LAMA3: variants seen among roughly 807,000 people sequenced by gnomAD.
LAMA3 encodes the protein laminin subunit alpha 3, also known as laminin subunit alpha-3.
LAMA3 carries 281 observed loss-of-function variants against 402.0 expected under a neutral mutation model. The observed-to-expected ratio is 0.70, with a 90% CI of 0.63 to 0.77. The LOEUF is 0.77. Among genes scored for constraint, LAMA3 ranks in the 30% least tolerant of loss-of-function variants. LAMA3 has a pLI of 0.00. For missense variants in LAMA3, 3,840 were observed against 4,215.5 expected, an observed-to-expected ratio of 0.91 and a Z score of 2.47; for synonymous variants, 1,431 against 1,558.4, an observed-to-expected ratio of 0.92 and a Z score of 1.93.
At chr18:23,770,182 A>T (rs896132691) in intron 8 of LAMA3, among the ~76,000 whole-genome samples, 5 of 152,188 alleles carry the variant, frequency 3.3e-5, no homozygotes, top group African/African-American at 4.8e-5. Context: ...GGCAATTTAT[A>T]AAACTAGACA....
chr18:23,750,824 G>T lies in LAMA3; in HGVS notation c.685-94G>T. The T allele has an allele frequency of 1.5e-6, 2 of 1,354,700 alleles. 1 individual carries two copies. Among genetic ancestry groups the T allele is most frequent in the South Asian group, 2.4e-5 (2 of 84,860 alleles). The allele number at this position is 1,354,700 out of a possible 1,614,324, so 83.9% of individuals were successfully genotyped here. A position where few individuals can be genotyped will look rare whatever the true frequency, so the allele number is the denominator to read the frequency against. On this transcript the variant is annotated intron_variant, in intron 4 of 74. Transcript: ENST00000313654. ...ATATCAAATGGCTCAAAGAAACCAA[G>T]TGCCTTGGGGCATGTGAGTTATTTT... is the stretch of plus-strand genomic sequence containing the variant.
chr18:23,921,012 G>C lies in LAMA3; in HGVS notation c.8001G>C (p.Glu2667Asp), dbSNP rs1443242362. Residue 2667 changes from glutamate (E) to aspartate (D), a missense_variant, in exon 61 of 75, where the codon GAG (glutamate) becomes GAC (aspartate). Physicochemically the swap from Glu to Asp is conservative, Grantham distance 45. This residue lies in a region of LAMA3 where 840 missense variants were observed against 981.9 expected (regional missense o/e 0.86). Coordinates refer to ENST00000313654, the MANE Select transcript of LAMA3 (RefSeq NM_198129.4). The stretch of plus-strand genomic sequence containing the variant: ...AACTGAATTCAGAGCTACCAAAAGA[G>C]AGAGGAGTTGGAGACGCCATAAACA... ...RYKLNSELPK[E>D]RGVGDAINNG... is the part of the protein sequence containing the mutation. 6.2e-7 allele frequency: 1 copy of C among 1,614,156 alleles called. No homozygotes were observed. Among genetic ancestry groups the C allele is most frequent in the Non-Finnish European group, 8.5e-7 (1 of 1,180,016 alleles).
rs2082701972 is a variant in LAMA3 at position 23,946,127 on chromosome 18, T to C, written c.9211-17T>C. Reference sequence around the variant, plus strand: ...CAAAGGTAAAAATACAACTCACGTATCTTTCTTACTCTGAAGGTGGTGTTT... The same window carrying C: ...CAAAGGTAAAAATACAACTCACGTACCTTTCTTACTCTGAAGGTGGTGTTT... On this transcript the variant is annotated splice_polypyrimidine_tract_variant and intron_variant, in intron 69 of 74. Transcript: ENST00000313654. 1.2e-6 allele frequency: 2 copies of C among 1,612,338 alleles called. No individual in the cohort carries two copies. The highest frequency in any genetic ancestry group is 1.3e-5 in the African/African-American group (1 of 74,884).
Position 23,949,762 on chromosome 18 carries a change from C to T in LAMA3, c.9352-3C>T. 6.2e-7 allele frequency: 1 copy of T among 1,613,842 alleles called. No individual in the cohort carries two copies. Among genetic ancestry groups the T allele is most frequent in the Non-Finnish European group, 8.5e-7 (1 of 1,179,950 alleles). ...GAGCTTTTTCTTTTCTGCTTGGTTGCAGAGCCTCCCCACAAACAGCTTTGT... is the reference window on the plus strand; with the variant it reads ...GAGCTTTTTCTTTTCTGCTTGGTTGTAGAGCCTCCCCACAAACAGCTTTGT... On this transcript the variant is annotated splice_region_variant and splice_polypyrimidine_tract_variant and intron_variant, in intron 70 of 74. Coordinates refer to ENST00000313654, the MANE Select transcript of LAMA3 (RefSeq NM_198129.4).
intron 12 of LAMA3, among the ~76,000 whole-genome samples, chr18:23,791,382 G>A (rs1470187456): frequency 2.0e-5 from 3 of 152,098 alleles, no homozygotes; most frequent in Admixed American, 1.3e-4. Flanking sequence ...TGATTAATAG[G>A]TTGAGCTTGG....
At position 23,918,403 on chromosome 18, in the gene LAMA3, G is replaced by A. The variant is rs2081713495; in HGVS notation, c.7923+1708G>A. Reference sequence around the variant, plus strand: ...CTACTTATTCTGACCCAAAACATGTGAAAACTTCCTGGGATCTCTAAGATC... The same window carrying A: ...CTACTTATTCTGACCCAAAACATGTAAAAACTTCCTGGGATCTCTAAGATC... On this transcript the variant is annotated intron_variant, in intron 60 of 74. Coordinates refer to ENST00000313654, the MANE Select transcript of LAMA3 (RefSeq NM_198129.4). This position sits in a 1 kb window ranked among gnomAD's most constrained non-coding sequence, Gnocchi z 4.1. 6.6e-6 allele frequency among the ~76,000 whole-genome samples: 1 copy of A among 152,162 alleles called. No individual in the cohort carries two copies. Among genetic ancestry groups the A allele is most frequent in the Non-Finnish European group, 1.5e-5 (1 of 68,034 alleles).
chr18:23,875,404 T>C (rs2064675308), intron 38 of LAMA3, among the ~76,000 whole-genome samples: 1 of 152,132 alleles, frequency 6.6e-6, no homozygotes, highest in African/African-American at 2.4e-5. Flanking sequence ...TGGAGAGAGA[T>C]AATATACAGG....
chr18:23,770,315 A>G (rs552358180), intron 8 of LAMA3, among the ~76,000 whole-genome samples: 1 of 152,312 alleles, frequency 6.6e-6, no homozygotes, highest in South Asian at 2.1e-4. Context: ...GAAAATATTC[A>G]CAAAACATAA....
chr18:23,775,938 C>A lies in LAMA3; in HGVS notation c.1405+15C>A, dbSNP rs574324263. ...ATTTTGCTTGAGTAAGTACCCACTG[C>A]AGAACAAGAGGCCACCCTTTTTGGT... On this transcript the variant is annotated intron_variant, in intron 10 of 74. Transcript: ENST00000313654. The A allele has an allele frequency of 1.9e-6, 3 of 1,613,996 alleles. No homozygotes were observed. The highest frequency in any genetic ancestry group is 1.7e-6 in the Non-Finnish European group (2 of 1,179,974).
intron 2 of LAMA3, among the ~76,000 whole-genome samples, chr18:23,741,854 A>G (rs962845798): frequency 6.6e-6 from 1 of 152,180 alleles, no homozygotes; most frequent in Non-Finnish European, 1.5e-5. Flanking sequence ...TGATCTGGCC[A>G]AGAATGCCCC....
At chr18:23,915,931 G>T (rs548248280) in intron 59 of LAMA3, among the ~76,000 whole-genome samples, 1 of 138,982 alleles carries the variant, frequency 7.2e-6, no homozygotes, top group Non-Finnish European at 1.5e-5. Flanking sequence ...GCTTGAACTC[G>T]GGAGGTCAAG....
At chr18:23,760,476 CA>C (rs1212951263) in intron 7 of LAMA3, among the ~76,000 whole-genome samples, 1 of 151,974 alleles carries the variant, frequency 6.6e-6, no homozygotes, top group African/African-American at 2.4e-5. Context: ...TTGATTAAAA[CA>C]TACAAATTAC....
chr18:23,839,217 A>G lies in LAMA3; in HGVS notation c.3191+339A>G, dbSNP rs1394845439. Among the ~76,000 whole-genome samples the G allele has an allele frequency of 6.6e-6, 1 of 152,188 alleles. No individual in the cohort carries two copies. The highest frequency in any genetic ancestry group is 1.5e-5 in the Non-Finnish European group (1 of 68,032). ...TCTGAGACTCTTCATTTAGAAAACC[A>G]TGAAAATAATGACCTATCTCATAAC... On this transcript the variant is annotated intron_variant, in intron 26 of 74. Transcript: ENST00000313654. The surrounding 1 kb of genome is among the most constrained non-coding windows in gnomAD (Gnocchi z 4.5).
At position 23,916,655 on chromosome 18, in the gene LAMA3, C is replaced by A; in HGVS notation, c.7883C>A (p.Thr2628Asn). Residue 2628 changes from threonine (T) to asparagine (N), a missense_variant, in exon 60 of 75, where the codon ACC (threonine) becomes AAC (asparagine). Coordinates refer to ENST00000313654, the MANE Select transcript of LAMA3 (RefSeq NM_198129.4). Reference protein sequence around the residue: ...PIPTFGQTIQTTVDRGLLFFA... With the variant: ...PIPTFGQTIQNTVDRGLLFFA... ...CCAACCTTTGGACAGACAATTCAGA[C>A]CACCGTGGATAGAGGCTTGCTGTTC... is the stretch of plus-strand genomic sequence containing the variant. 6.2e-7 allele frequency: 1 copy of A among 1,614,110 alleles called. No homozygotes were observed. Among genetic ancestry groups the A allele is most frequent in the Non-Finnish European group, 8.5e-7 (1 of 1,180,004 alleles).
intron 2 of LAMA3, among the ~76,000 whole-genome samples, chr18:23,728,864 C>G (rs979721669): frequency 2.0e-5 from 3 of 151,862 alleles, no homozygotes; most frequent in Admixed American, 2.0e-4. Flanking sequence ...AACTCTGTCT[C>G]TACTAAAAAT....
chr18:23,950,915 T>C (rs1218055566), intron 72 of LAMA3, among the ~76,000 whole-genome samples: 1 of 152,194 alleles, frequency 6.6e-6, no homozygotes, highest in African/African-American at 2.4e-5. Flanking sequence ...GGAGAGAGTC[T>C]CTACTGAGAG....
intron 39 of LAMA3, among the ~76,000 whole-genome samples, chr18:23,878,296 TA>T (rs1437356144): frequency 6.6e-6 from 1 of 152,258 alleles, no homozygotes; most frequent in Non-Finnish European, 1.5e-5. Context: ...TTTCCCATTT[TA>T]TTTTTTTTGT....
chr18:23,714,118 T>C, intron 2 of LAMA3, 46 bp downstream of exon 2: 1 of 1,549,874 alleles, frequency 6.5e-7, no homozygotes, highest in Non-Finnish European at 8.9e-7. Context: ...CTTAGATCAC[T>C]GTTTCTATGG....
chr18:23,690,056 C>A, intron 1 of LAMA3, 79 bp downstream of exon 1: 3 of 1,161,626 alleles, frequency 2.6e-6, no homozygotes, highest in Non-Finnish European at 3.4e-6. Flanking sequence ...AGGGATCGGG[C>A]CCTTTCCTCA....
Sources: allele counts gnomAD v4.1 joint callset (sites outside exome capture counted in the v4.1 genomes callset), GRCh38; gene constraint gnomAD v4.1.1; regional missense constraint gnomAD v4.1.1; non-coding constraint Gnocchi (gnomAD v3.1); transcripts MANE v1.5; gene names NCBI Gene and HGNC (gene_info 2026-07-23, HGNC 2026-07-21).